SMCO4: variants seen among roughly 807,000 people sequenced by gnomAD.
The protein encoded by SMCO4 is single-pass membrane protein with coiled-coil domains 4, also known as single-pass membrane and coiled-coil domain-containing protein 4.
SMCO4 carries 4 observed loss-of-function variants against 3.6 expected under a neutral mutation model. The ratio of observed to expected loss-of-function variants is 1.11; its 90% CI spans 0.54 to 2.53. SMCO4 has a LOEUF of 2.53. Among genes scored for constraint, SMCO4 ranks in the 30% most tolerant of loss-of-function variants. SMCO4 has a pLI of 0.02. For synonymous variants in SMCO4, 36 were observed against 35.3 expected, an observed-to-expected ratio of 1.02 and a Z score of -0.07; for missense variants, 70 against 80.8, an observed-to-expected ratio of 0.87 and a Z score of 0.51.
intron 2 of SMCO4, among the ~76,000 whole-genome samples, chr11:93,490,805 A>C (rs567901908): frequency 6.6e-6 from 1 of 152,368 alleles, no homozygotes; most frequent in African/African-American, 2.4e-5. Flanking sequence ...GGGGAGCCAG[A>C]CTGAACTGCC....
intron 2 of SMCO4, among the ~76,000 whole-genome samples, chr11:93,486,984 T>C (rs1243537597): frequency 6.6e-6 from 1 of 152,174 alleles, no homozygotes; most frequent in East Asian, 1.9e-4. Context: ...GAAGGGTATA[T>C]ATGGAGAAAG....
chr11:93,483,881 C>T lies in SMCO4; in HGVS notation c.-80-4612G>A, dbSNP rs890797920. ...GTACCCCACTTATCTTCCCGCCCTT[C>T]GCCCACTTTGTGCCCCCATCATGGT... On this transcript the variant is annotated intron_variant, in intron 2 of 2. Coordinates refer to ENST00000298966, the MANE Select transcript of SMCO4 (RefSeq NM_020179.3). Among the ~76,000 whole-genome samples the T allele has an allele frequency of 3.3e-5, 5 of 152,302 alleles. No homozygotes were observed. The South Asian group carries it at 8.3e-4, about 25-fold the overall frequency.
intron 1 of SMCO4, among the ~76,000 whole-genome samples, chr11:93,506,829 T>C (rs1309090231): frequency 6.6e-6 from 1 of 152,228 alleles, no homozygotes; most frequent in Non-Finnish European, 1.5e-5. Flanking sequence ...ATATCCCATG[T>C]AACAAAATGT....
chr11:93,524,348 G>A (rs561494799), intron 1 of SMCO4, among the ~76,000 whole-genome samples: 84 of 152,140 alleles, frequency 5.5e-4, no homozygotes, highest in Non-Finnish European at 1.0e-3. Flanking sequence ...CGATCCCCAG[G>A]GCATTTGAAG....
chr11:93,539,408 CAG>C (rs1473241524), intron 1 of SMCO4, among the ~76,000 whole-genome samples: 2 of 152,140 alleles, frequency 1.3e-5, no homozygotes, highest in Non-Finnish European at 2.9e-5. Flanking sequence ...AGAAGGAAAA[CAG>C]TACATTTAGG....
the SMCO4 span, among the ~76,000 whole-genome samples, chr11:93,550,911 C>T: frequency 2.0e-5 from 3 of 152,096 alleles, no homozygotes; most frequent in Non-Finnish European, 4.4e-5. Flanking sequence ...CCAGCTGTAC[C>T]TTTTGGTCTG....
chr11:93,535,631 A>G, intron 1 of SMCO4: 2 of 1,587,630 alleles, frequency 1.3e-6, no homozygotes, highest in Non-Finnish European at 1.7e-6. Context: ...GCAGACAACA[A>G]GTGTCTGTTA....
intron 1 of SMCO4, among the ~76,000 whole-genome samples, chr11:93,538,763 A>G (rs1949249011): frequency 1.3e-5 from 2 of 152,166 alleles, no homozygotes; most frequent in East Asian, 3.8e-4. Context: ...ATGGATTCCA[A>G]CAAGCCCCCT....
chr11:93,500,507 TA>T (rs1472541869), intron 1 of SMCO4, among the ~76,000 whole-genome samples: 3 of 152,184 alleles, frequency 2.0e-5, no homozygotes, highest in Non-Finnish European at 4.4e-5. Flanking sequence ...TAATGTCTTA[TA>T]GCCTCTTCTA....
intron 1 of SMCO4, among the ~76,000 whole-genome samples, chr11:93,504,435 G>A (rs1948879706): frequency 1.3e-5 from 2 of 152,240 alleles, no homozygotes; most frequent in South Asian, 4.1e-4. Flanking sequence ...CCATACAAGA[G>A]AAGGAATGAG....
the SMCO4 span, among the ~76,000 whole-genome samples, chr11:93,553,164 T>C: frequency 3.3e-5 from 5 of 152,368 alleles, no homozygotes; most frequent in South Asian, 1.0e-3. Context: ...CAGTGCTTTT[T>C]GCTGATAGTA....
intron 1 of SMCO4, among the ~76,000 whole-genome samples, chr11:93,519,567 G>C (rs1478778635): frequency 6.6e-6 from 1 of 152,210 alleles, no homozygotes; most frequent in Non-Finnish European, 1.5e-5. Context: ...TGCAAAAGTA[G>C]GGGCTAACAA....
At chr11:93,550,061 C>T in the SMCO4 span, among the ~76,000 whole-genome samples, 3 of 152,166 alleles carry the variant, frequency 2.0e-5, no homozygotes, top group Non-Finnish European at 4.4e-5. Flanking sequence ...CAACCCAAAT[C>T]TTCATGCTTA....
At chr11:93,487,988 C>T (rs1246431223) in intron 2 of SMCO4, among the ~76,000 whole-genome samples, 2 of 152,222 alleles carry the variant, frequency 1.3e-5, no homozygotes, top group African/African-American at 2.4e-5. Flanking sequence ...AAAAATGTTG[C>T]CTTCAGGTAA....
In SMCO4 at chr11:93,517,530, A is replaced by G. The variant is rs886985682; in HGVS notation, c.-153-18182T>C. Among the ~76,000 whole-genome samples, 3 of 152,258 alleles carry G rather than the reference A, an allele frequency of 2.0e-5. No individual in the cohort carries two copies. The East Asian group carries it at 5.8e-4, about 29-fold the overall frequency. On this transcript the variant is annotated intron_variant, in intron 1 of 2. Transcript: ENST00000298966. Reference sequence around the variant, plus strand: ...CTTCTCAAAGGTCTAACCCAAACCTAGATGGCTGAAATCAACTCCAATTTC... The same window carrying G: ...CTTCTCAAAGGTCTAACCCAAACCTGGATGGCTGAAATCAACTCCAATTTC...
At chr11:93,533,467 C>G (rs913681676) in intron 1 of SMCO4, among the ~76,000 whole-genome samples, 7 of 152,162 alleles carry the variant, frequency 4.6e-5, no homozygotes, top group African/African-American at 1.4e-4. Context: ...AATCTCAACT[C>G]CCCAGAGCAC....
intron 1 of SMCO4, among the ~76,000 whole-genome samples, chr11:93,530,193 C>T (rs894274810): frequency 6.6e-6 from 1 of 152,198 alleles, no homozygotes; most frequent in African/African-American, 2.4e-5. Context: ...ATGGCGTTCA[C>T]CAGGCAGGCC....
At chr11:93,551,736 C>A in the SMCO4 span, among the ~76,000 whole-genome samples, 1 of 152,182 alleles carries the variant, frequency 6.6e-6, no homozygotes, top group African/African-American at 2.4e-5. Flanking sequence ...TCATAGCCAC[C>A]ATTCAACAAA....
At position 93,535,584 on chromosome 11, in the gene SMCO4, C is replaced by T. The variant is rs750521358; in HGVS notation, c.-154+7692G>A. Reference sequence around the variant, plus strand: ...AGAAGTATGACAGTCGAACCAAATCCATTCCAAAGAAAGGTACTGTGGAGG... The same window carrying T: ...AGAAGTATGACAGTCGAACCAAATCTATTCCAAAGAAAGGTACTGTGGAGG... On this transcript the variant is annotated intron_variant, in intron 1 of 2. Coordinates refer to ENST00000298966, the MANE Select transcript of SMCO4 (RefSeq NM_020179.3). 1.3e-4 allele frequency: 193 copies of T among 1,527,562 alleles called. 1 individual carries two copies. Among genetic ancestry groups the T allele is most frequent in the Non-Finnish European group, 1.8e-5 (20 of 1,104,602 alleles). 94.6% of individuals were successfully genotyped at this position (1,527,562 alleles called of 1,614,324 possible).
Sources: gnomAD v4.1 joint callset for allele counts (sites outside exome capture counted in the v4.1 genomes callset) on GRCh38, gnomAD v4.1.1 for gene constraint, MANE v1.5 for transcripts, NCBI Gene and HGNC (gene_info 2026-07-23, HGNC 2026-07-21) for gene names.